Variants in CCDC60 observed in about 807,000 individuals in gnomAD.
CCDC60 encodes coiled-coil domain-containing protein 60.
Under a neutral mutation model 63.5 loss-of-function variants are expected in CCDC60, and 54 were observed. The observed-to-expected ratio is 0.85, with a 90% CI of 0.68 to 1.07. The LOEUF (loss-of-function observed/expected upper bound fraction) is 1.07, where lower values mean the gene tolerates loss of function less well. CCDC60 is among the 50% of genes least tolerant of loss of function. The pLI, the probability that CCDC60 is intolerant of heterozygous loss-of-function variation, is 0.00. For missense variants in CCDC60, 651 were observed against 684.3 expected (o/e 0.95, Z 0.54); for synonymous variants, 206 against 238.8 (o/e 0.86, Z 1.27).
chr12:119,518,755 C>T (rs908391586), intron 8 of CCDC60, among the ~76,000 whole-genome samples: 4 of 151,916 alleles, frequency 2.6e-5, no homozygotes, highest in Non-Finnish European at 5.9e-5. Context: ...ACTTTTATCT[C>T]ACACATGTTG....
intron 5 of CCDC60, among the ~76,000 whole-genome samples, chr12:119,490,329 A>AT (rs1951554784): frequency 6.6e-6 from 1 of 152,132 alleles, no homozygotes; most frequent in Non-Finnish European, 1.5e-5. Context: ...GACAGACTTT[A>AT]TTTTTTTAAG....
intron 13 of CCDC60, among the ~76,000 whole-genome samples, chr12:119,537,559 T>A (rs1953040438): frequency 6.6e-6 from 1 of 152,234 alleles, no homozygotes; most frequent in Non-Finnish European, 1.5e-5. Flanking sequence ...TTATCTACCT[T>A]TGGTCTTTGT....
intron 2 of CCDC60, among the ~76,000 whole-genome samples, chr12:119,444,609 G>A (rs1345273869): frequency 6.6e-6 from 1 of 152,056 alleles, no homozygotes; most frequent in Non-Finnish European, 1.5e-5. Flanking sequence ...GAAAGTTGGC[G>A]CTGTGTCCTC....
At chr12:119,398,894 T>C (rs1337771241) in intron 1 of CCDC60, among the ~76,000 whole-genome samples, 6 of 152,202 alleles carry the variant, frequency 3.9e-5, no homozygotes, top group Admixed American at 3.9e-4. Context: ...TGCCAGGTAC[T>C]ATGTGAGGTA....
chr12:119,457,004 A>G (rs74312909), intron 2 of CCDC60, among the ~76,000 whole-genome samples: 21,336 of 152,162 alleles, frequency 0.14, 1,634 homozygotes, highest in East Asian at 0.3. Flanking sequence ...GCCCCATTCA[A>G]GATGGAGTTG....
chr12:119,434,512 A>G (rs900158273), intron 2 of CCDC60, among the ~76,000 whole-genome samples: 5 of 152,166 alleles, frequency 3.3e-5, no homozygotes, highest in African/African-American at 1.2e-4. Flanking sequence ...TAACAAGTAA[A>G]TAAGCAGAAT....
intron 2 of CCDC60, among the ~76,000 whole-genome samples, chr12:119,457,716 C>CGG (rs144305914): frequency 0.015 from 2,269 of 150,432 alleles, 25 homozygotes; most frequent in Non-Finnish European, 0.02. Flanking sequence ...TGGTGGTTGG[C>CGG]GGGGGGGAGA....
At position 119,344,664 on chromosome 12, in the gene CCDC60, G is replaced by A. The variant is rs1464543127; in HGVS notation, c.90+9398G>A. On this transcript the variant is annotated intron_variant, in intron 1 of 13. Coordinates refer to ENST00000327554, the MANE Select transcript of CCDC60 (RefSeq NM_178499.5). ...AATGACCCTCTATTGTCCTGAAAAT[G>A]AAGACGAATATCTTTAATGAAGTTT... Among the ~76,000 whole-genome samples the A allele has an allele frequency of 5.9e-5, 9 of 152,162 alleles. 1 individual carries two copies. Among genetic ancestry groups the A allele is most frequent in the Admixed American group, 1.3e-4 (2 of 15,276 alleles).
At chr12:119,427,381 C>A (rs1027562290) in intron 1 of CCDC60, among the ~76,000 whole-genome samples, 16 of 152,212 alleles carry the variant, frequency 1.1e-4, no homozygotes, top group Non-Finnish European at 1.9e-4. Context: ...TATCAATAAA[C>A]ATACTTACAT....
intron 7 of CCDC60, among the ~76,000 whole-genome samples, chr12:119,507,616 T>TATATATA (rs1394824727): frequency 1.3e-5 from 1 of 79,304 alleles, no homozygotes; most frequent in Non-Finnish European, 2.4e-5. Flanking sequence ...ATATATATAT[T>TATATATA]TTTTTTTTTT....
At chr12:119,484,675 C>T (rs543066921) in intron 4 of CCDC60, among the ~76,000 whole-genome samples, 9 of 151,822 alleles carry the variant, frequency 5.9e-5, no homozygotes, top group South Asian at 4.2e-4. Flanking sequence ...ATCACGCCAC[C>T]GCACTCCATC....
intron 5 of CCDC60, among the ~76,000 whole-genome samples, chr12:119,491,065 C>A (rs908968302): frequency 6.6e-6 from 1 of 152,130 alleles, no homozygotes; most frequent in Non-Finnish European, 1.5e-5. Flanking sequence ...TAAACATAAA[C>A]AGTCACATTT....
rs531504799 is a variant in CCDC60 at position 119,371,176 on chromosome 12, C to G, written c.90+35910C>G. Among the ~76,000 whole-genome samples the G allele has an allele frequency of 4.6e-5, 7 of 152,330 alleles. No homozygotes were observed. In the South Asian group the frequency reaches 1.5e-3, roughly 32 times the overall value. On this transcript the variant is annotated intron_variant, in intron 1 of 13. Transcript: ENST00000327554. The stretch of plus-strand genomic sequence containing the variant: ...GTGTTTCTTCATTAAACCACCATCA[C>G]TGGGGACTTGATTCCTTCTATAGGA...
intron 1 of CCDC60, among the ~76,000 whole-genome samples, chr12:119,391,752 G>A (rs1300472119): frequency 6.6e-6 from 1 of 152,180 alleles, no homozygotes; most frequent in African/African-American, 2.4e-5. Context: ...TGTTGTGTAG[G>A]TTGACAGGGC....
intron 1 of CCDC60, among the ~76,000 whole-genome samples, chr12:119,369,947 T>C (rs767814984): frequency 1.3e-5 from 2 of 152,096 alleles, no homozygotes; most frequent in Non-Finnish European, 2.9e-5. Flanking sequence ...AAATCAGGGA[T>C]TTCAAATGTA....
chr12:119,460,510 T>G (rs1307104203), intron 2 of CCDC60, among the ~76,000 whole-genome samples: 2 of 152,242 alleles, frequency 1.3e-5, no homozygotes, highest in Non-Finnish European at 2.9e-5. Context: ...ATTTTCATCA[T>G]GATGCTGTGT....
Position 119,432,703 on chromosome 12 carries a change from T to C in CCDC60, c.170+3941T>C, listed in dbSNP as rs775271279. 1.4e-4 allele frequency among the ~76,000 whole-genome samples: 21 copies of C among 152,328 alleles called. 1 individual carries two copies. Among genetic ancestry groups the C allele is most frequent in the South Asian group, 1.0e-3 (5 of 4,828 alleles). ...AAGCAGTGGCTTGCCAGCTTGTAAC[T>C]AGAGCCCACTGCTAAATTTTCAGTG... On this transcript the variant is annotated intron_variant, in intron 2 of 13. Transcript: ENST00000327554.
chr12:119,418,265 A>G (rs977439542), intron 1 of CCDC60, among the ~76,000 whole-genome samples: 15 of 151,938 alleles, frequency 9.9e-5, no homozygotes, highest in Non-Finnish European at 1.6e-4. Flanking sequence ...CTTCACACCT[A>G]AACACTTCAG....
intron 13 of CCDC60, among the ~76,000 whole-genome samples, chr12:119,531,907 T>C (rs971342711): frequency 1.3e-5 from 2 of 152,224 alleles, no homozygotes; most frequent in Admixed American, 1.3e-4. Context: ...AGTCACTTCT[T>C]TAATTTTATC....
Sources: gnomAD v4.1 joint callset for allele counts (sites outside exome capture counted in the v4.1 genomes callset) on GRCh38, gnomAD v4.1.1 for gene constraint, MANE v1.5 for transcripts, NCBI Gene and HGNC (gene_info 2026-07-23, HGNC 2026-07-21) for gene names.